SNX14: variants seen among roughly 807,000 people sequenced by gnomAD.
The protein encoded by SNX14 is sorting nexin 14.
SNX14 carries 93 observed loss-of-function variants against 133.8 expected under a neutral mutation model. The ratio of observed to expected loss-of-function variants is 0.70; its 90% confidence interval spans 0.59 to 0.83. SNX14 has a LOEUF of 0.83. SNX14 is among the 40% of genes least tolerant of loss of function. The pLI is 0.00. For missense variants in SNX14, 945 were observed against 1,094.9 expected (o/e 0.86, Z 1.93); for synonymous variants, 368 against 365.6 (o/e 1.01, Z -0.07).
chr6:85,514,454 AC>A, intron 24 of SNX14, 51 bp downstream of exon 24: 1 of 1,590,230 alleles, frequency 6.3e-7, no homozygotes, highest in South Asian at 1.1e-5. Context: ...TATTTGCATC[AC>A]AGAAGAAGTA....
chr6:85,543,155 TCAAA>T, intron 14 of SNX14, 23 bp downstream of exon 14: 1 of 1,501,678 alleles, frequency 6.7e-7, no homozygotes, highest in South Asian at 1.4e-5. Flanking sequence ...ATAAAAATCC[TCAAA>T]CAAGGTTAAT....
rs907952579 is a variant in SNX14 at position 85,547,047 on chromosome 6, TA to T, written c.1108+64del. ...GGGTACCACAACATCAGATCTGATT[TA>T]AAATATTCAAATACATTAAAAGGTT... On this transcript the variant is annotated intron_variant, in intron 12 of 28. Coordinates refer to ENST00000314673, the MANE Select transcript of SNX14 (RefSeq NM_153816.6). The T allele has an allele frequency of 1.7e-5, 20 of 1,167,626 alleles. No homozygotes were observed. The African/African-American group carries it at 3.0e-4, about 17-fold the overall frequency. 72.3% of individuals were successfully genotyped at this position (1,167,626 alleles called of 1,614,324 possible). A position where few individuals can be genotyped will look rare whatever the true frequency, so the allele number is the denominator to read the frequency against.
Position 85,543,202 on chromosome 6 carries a change from TA to T in SNX14, c.1368del (p.Met457CysfsTer13). On this transcript the variant is annotated frameshift_variant, in exon 14 of 29. Coordinates refer to ENST00000314673, the MANE Select transcript of SNX14 (RefSeq NM_153816.6). LOFTEE classifies it high-confidence loss of function. ...CTTACCTCATCACTATGGCAGAACA[TA>T]GGAGTAAATACATTCTCCAAAAGGG... The part of the protein sequence containing the change: ...VLSLLENVFT[P>X]MFCHSDEYFR... 1.3e-6 allele frequency: 2 copies of T among 1,572,328 alleles called. No individual in the cohort carries two copies. Among genetic ancestry groups the T allele is most frequent in the Non-Finnish European group, 1.7e-6 (2 of 1,163,730 alleles).
At chr6:85,580,543 C>G (rs887242924) in intron 1 of SNX14, among the ~76,000 whole-genome samples, 1 of 152,098 alleles carries the variant, frequency 6.6e-6, no homozygotes, top group African/African-American at 2.4e-5. Context: ...TTTTGGGGTC[C>G]CCAATTCCAG....
At chr6:85,517,984 A>AAC in intron 22 of SNX14, 24 bp downstream of exon 22, 1 of 1,597,782 alleles carries the variant, frequency 6.3e-7, no homozygotes, top group South Asian at 1.1e-5. Flanking sequence ...CATGTTATAG[A>AAC]ACACACATAA....
At chr6:85,560,170 A>C (rs189045460) in intron 6 of SNX14, among the ~76,000 whole-genome samples, 1 of 151,738 alleles carries the variant, frequency 6.6e-6, no homozygotes, top group African/African-American at 2.4e-5. Flanking sequence ...TATATCCGAC[A>C]AAAAAAAACT....
chr6:85,565,363 A>C lies in SNX14; in HGVS notation c.518T>G (p.Phe173Cys). The C allele has an allele frequency of 6.2e-7, 1 of 1,603,880 alleles. No homozygotes were observed. Among genetic ancestry groups the C allele is most frequent in the Non-Finnish European group, 8.5e-7 (1 of 1,174,638 alleles). Residue 173 changes from phenylalanine (F) to cysteine (C), a missense_variant, in exon 6 of 29, where the codon TTT becomes TGT. Phe to Cys is a radical substitution (Grantham distance 205). Coordinates refer to ENST00000314673, the MANE Select transcript of SNX14 (RefSeq NM_153816.6). ...VDELRITLRF[F>C]ASVLIRRIHK... ...AATCCTTCTTATTAAGACAGATGCA[A>C]AAAAACGTAATGTTATTCTCAGTTC...
intron 1 of SNX14, among the ~76,000 whole-genome samples, chr6:85,576,045 CTATTA>C (rs1221443559): frequency 2.6e-5 from 4 of 152,170 alleles, no homozygotes; most frequent in South Asian, 2.1e-4. Context: ...TTTCCCTATA[CTATTA>C]TAACTGACAA....
chr6:85,508,429 T>C (rs1233025097), intron 26 of SNX14: 9 of 943,464 alleles, frequency 9.5e-6, no homozygotes, highest in South Asian at 4.8e-5. Flanking sequence ...TGTACATCTG[T>C]ACATACATGT....
At chr6:85,523,870 G>A (rs1230938651) in intron 21 of SNX14, among the ~76,000 whole-genome samples, 4 of 152,152 alleles carry the variant, frequency 2.6e-5, no homozygotes, top group South Asian at 2.1e-4. Flanking sequence ...AGAATTACAC[G>A]TTGGTTCTGA....
chr6:85,510,177 C>T (rs1772307902), intron 26 of SNX14, among the ~76,000 whole-genome samples: 1 of 152,180 alleles, frequency 6.6e-6, no homozygotes, highest in South Asian at 2.1e-4. Context: ...TGCCAGATCT[C>T]ATGGTAAGAG....
intron 27 of SNX14, 129 bp from the exon 28 acceptor site, chr6:85,507,418 T>C: frequency 1.5e-6 from 1 of 669,140 alleles, no homozygotes; most frequent in South Asian, 2.2e-5. Flanking sequence ...ACTGATAATA[T>C]AAAACAAGCA....
chr6:85,588,854 T>C (rs1801895735), intron 1 of SNX14: 3 of 453,796 alleles, frequency 6.6e-6, no homozygotes, highest in Non-Finnish European at 1.3e-5. Context: ...GAAGAGAAAA[T>C]ATATTTACTA....
At chr6:85,592,952 T>G (rs1418106602) in intron 1 of SNX14, among the ~76,000 whole-genome samples, 1 of 152,028 alleles carries the variant, frequency 6.6e-6, no homozygotes, top group Non-Finnish European at 1.5e-5. Context: ...AGGAGGAGCT[T>G]GCGGTGAGCC....
intron 4 of SNX14, among the ~76,000 whole-genome samples, chr6:85,568,956 C>T (rs998687161): frequency 1.3e-5 from 2 of 151,696 alleles, no homozygotes; most frequent in Non-Finnish European, 2.9e-5. Flanking sequence ...CTAAGTAGTG[C>T]TTTTCTTTTC....
chr6:85,505,930 A>G lies in SNX14; in HGVS notation c.*37T>C. On this transcript the variant is annotated 3_prime_UTR_variant, in exon 29 of 29. Coordinates refer to ENST00000314673, the MANE Select transcript of SNX14 (RefSeq NM_153816.6). ...AATTTCTACCACCCTCGCACAGCAG[A>G]AATTTCAATGGGTTATTCTATACCA... is the stretch of plus-strand genomic sequence containing the variant. The G allele has an allele frequency of 6.6e-7, 1 of 1,523,340 alleles. No individual in the cohort carries two copies. Among genetic ancestry groups the G allele is most frequent in the Non-Finnish European group, 9.1e-7 (1 of 1,098,480 alleles). 94.4% of individuals were successfully genotyped at this position (1,523,340 alleles called of 1,614,324 possible).
intron 23 of SNX14, among the ~76,000 whole-genome samples, chr6:85,517,352 AG>A (rs1245889147): frequency 1.3e-5 from 2 of 152,218 alleles, no homozygotes; most frequent in Non-Finnish European, 2.9e-5. Context: ...ACTCAATCGT[AG>A]GCATGTAATA....
intron 23 of SNX14, 111 bp downstream of exon 23, chr6:85,517,645 G>T: frequency 7.8e-7 from 1 of 1,285,924 alleles, no homozygotes; most frequent in Non-Finnish European, 1.0e-6. Flanking sequence ...TAAAGGAAAT[G>T]TATAGCTCAA....
intron 1 of SNX14, among the ~76,000 whole-genome samples, chr6:85,576,210 A>C (rs2128209081): frequency 6.6e-6 from 1 of 152,324 alleles, no homozygotes; most frequent in South Asian, 2.1e-4. Flanking sequence ...ATTATCTTAC[A>C]AGAAAATGCA....
Sources: allele counts gnomAD v4.1 joint callset (sites outside exome capture counted in the v4.1 genomes callset), GRCh38; gene constraint gnomAD v4.1.1; transcripts MANE v1.5; gene names NCBI Gene and HGNC (gene_info 2026-07-23, HGNC 2026-07-21).